Variants in NRXN2 observed in about 807,000 individuals in gnomAD.
NRXN2 encodes the protein neurexin-2-beta.
Under a neutral mutation model 128.8 loss-of-function variants are expected in NRXN2, and 29 were observed. The ratio of observed to expected loss-of-function variants is 0.23; its 90% confidence interval spans 0.17 to 0.31. The LOEUF (loss-of-function observed/expected upper bound fraction) is 0.31, where lower values mean the gene tolerates loss of function less well. Among genes scored for constraint, NRXN2 ranks in the 10% least tolerant of loss-of-function variants. The pLI is 1.00. For missense variants in NRXN2, 1,881 were observed against 2,452.6 expected (o/e 0.77, Z 4.92); for synonymous variants, 1,098 against 1,075.2 (o/e 1.02, Z -0.41).
intron 11 of NRXN2, 124 bp from the exon 12 acceptor site, chr11:64,653,846 C>T (rs966498870): frequency 1.4e-6 from 1 of 703,532 alleles, no homozygotes; most frequent in Admixed American, 2.4e-5. Context: ...GGGCCACTTT[C>T]CGGGGACCAC....
chr11:64,699,372 G>C (rs1336867544), intron 2 of NRXN2, among the ~76,000 whole-genome samples: 1 of 150,400 alleles, frequency 6.6e-6, no homozygotes, highest in African/African-American at 2.5e-5. Flanking sequence ...ACAACACAGA[G>C]CTGCTTCTAC....
chr11:64,630,322 G>A lies in NRXN2; in HGVS notation c.3757+80C>T. On this transcript the variant is annotated intron_variant, in intron 19 of 22. Coordinates refer to ENST00000265459, the MANE Select transcript of NRXN2 (RefSeq NM_015080.4). This position sits in a 1 kb window ranked among gnomAD's most constrained non-coding sequence, Gnocchi z 4.6. ...CCCCGCCCCAGAGCCGCTTAGCCCC[G>A]CCCCGGTGCGGCCGCACTCCTATCA... 1.0e-6 allele frequency: 1 copy of A among 967,936 alleles called. No homozygotes were observed. Among genetic ancestry groups the A allele is most frequent in the Non-Finnish European group, 1.4e-6 (1 of 692,932 alleles). 60.0% of individuals were successfully genotyped at this position (967,936 alleles called of 1,614,324 possible).
chr11:64,676,306 G>A (rs2051313157), intron 7 of NRXN2: 1 of 153,012 alleles, frequency 6.5e-6, no homozygotes, highest in South Asian at 2.1e-4. Context: ...TGAGGGAGGG[G>A]ATGGCACCTT....
chr11:64,634,231 C>T (rs183363649), intron 18 of NRXN2, among the ~76,000 whole-genome samples: 106 of 152,244 alleles, frequency 7.0e-4, no homozygotes, highest in African/African-American at 2.5e-3. Context: ...GGGTCCTGGC[C>T]AGGGTGAGCA....
rs1412914657 is a variant in NRXN2, at chr11:64,697,804, G to A, written c.731-12C>T. On this transcript the variant is annotated splice_polypyrimidine_tract_variant and intron_variant, in intron 2 of 22. Coordinates refer to ENST00000265459, the MANE Select transcript of NRXN2 (RefSeq NM_015080.4). ...CATGGGGTGCTCCTCTGCAGCCAGC[G>A]AGGTTCGGAGAAGACGGAGGCAGAG... 1.9e-6 allele frequency: 3 copies of A among 1,613,750 alleles called. No individual in the cohort carries two copies. The highest frequency in any genetic ancestry group is 1.7e-5 in the Admixed American group (1 of 59,998).
At position 64,648,490 on chromosome 11, in the gene NRXN2, G is replaced by A; in HGVS notation, c.3284-152C>T. The A allele has an allele frequency of 7.5e-7, 1 of 1,332,676 alleles. No individual in the cohort carries two copies. 82.6% of individuals were successfully genotyped at this position (1,332,676 alleles called of 1,614,324 possible). The stretch of plus-strand genomic sequence containing the variant: ...GTACTGATGACAGGGATTGGGGCAG[G>A]AGGGTCAGGTCTGCTAGGCTTGGCC... On this transcript the variant is annotated intron_variant, in intron 16 of 22. Transcript: ENST00000265459. The surrounding 1 kb of genome is among the most constrained non-coding windows in gnomAD (Gnocchi z 4.1).
At chr11:64,681,960 C>T (rs1422944132) in intron 6 of NRXN2, among the ~76,000 whole-genome samples, 5 of 151,880 alleles carry the variant, frequency 3.3e-5, no homozygotes, top group South Asian at 2.1e-4. Flanking sequence ...TAGGGGAATG[C>T]GTTCCTAAGG....
chr11:64,651,115 G>A lies in NRXN2; in HGVS notation c.2918+140C>T, dbSNP rs11231846. On this transcript the variant is annotated intron_variant, in intron 14 of 22. Transcript: ENST00000265459. This position sits in a 1 kb window ranked among gnomAD's most constrained non-coding sequence, Gnocchi z 5.9. ...ATCTTGGCTGAAGAGGGAGCCTCTC[G>A]ACTTACGGTCGGGGACCTGAATCTT... 44 of 1,174,484 alleles carry A rather than the reference G, an allele frequency of 3.7e-5. No individual in the cohort carries two copies. The highest frequency in any genetic ancestry group is 5.3e-5 in the Non-Finnish European group (43 of 807,304). 72.8% of individuals were successfully genotyped at this position (1,174,484 alleles called of 1,614,324 possible).
At position 64,620,392 on chromosome 11, in the gene NRXN2, G is replaced by A; in HGVS notation, c.4174-20C>T. The stretch of plus-strand genomic sequence containing the variant: ...TGTGTTCTGAGGGGCGAGAGAAGGG[G>A]TGGGGAAAGAGAGGTTCCAGGCAGG... On this transcript the variant is annotated intron_variant, in intron 21 of 22. Coordinates refer to ENST00000265459, the MANE Select transcript of NRXN2 (RefSeq NM_015080.4). 1 of 1,546,672 alleles carries A rather than the reference G, an allele frequency of 6.5e-7. No individual in the cohort carries two copies. Among genetic ancestry groups the A allele is most frequent in the Non-Finnish European group, 8.7e-7 (1 of 1,142,996 alleles).
intron 1 of NRXN2, among the ~76,000 whole-genome samples, chr11:64,722,595 A>T (rs2057462339): frequency 6.6e-6 from 1 of 150,962 alleles, no homozygotes; most frequent in Non-Finnish European, 1.5e-5. Flanking sequence ...CCTCCAGAAC[A>T]CAACAGCTCC....
At chr11:64,700,863 G>A (rs1029512109) in intron 2 of NRXN2, among the ~76,000 whole-genome samples, 1 of 152,126 alleles carries the variant, frequency 6.6e-6, no homozygotes, top group African/African-American at 2.4e-5. Context: ...CATTCAATAT[G>A]TCTAGGGTGG....
At chr11:64,626,807 C>T (rs553786495) in intron 19 of NRXN2, among the ~76,000 whole-genome samples, 1 of 152,218 alleles carries the variant, frequency 6.6e-6, no homozygotes, top group East Asian at 1.9e-4. Flanking sequence ...AGGAAAGGGA[C>T]ACAAAAGAAA....
intron 7 of NRXN2, 50 bp downstream of exon 7, chr11:64,676,942 TA>T: frequency 3.3e-6 from 5 of 1,534,250 alleles, no homozygotes; most frequent in Non-Finnish European, 4.5e-6. Flanking sequence ...ATCGAACAGT[TA>T]AAAAAACCCA....
At chr11:64,697,722 G>A in intron 3 of NRXN2, 53 bp downstream of exon 3, 1 of 1,609,170 alleles carries the variant, frequency 6.2e-7, no homozygotes, top group South Asian at 1.1e-5. Flanking sequence ...CCCTCATGTA[G>A]GATCCCCATG....
chr11:64,665,646 G>T lies in NRXN2; in HGVS notation c.1798+1604C>A, dbSNP rs183958232. ...AGAAATAGCAAGCCCATTAGAAACT[G>T]TCACTCTCCCAGAGCCACAGGGGCC... On this transcript the variant is annotated intron_variant, in intron 9 of 22. Transcript: ENST00000265459. Among the ~76,000 whole-genome samples the T allele has an allele frequency of 2.3e-3, 357 of 152,324 alleles. 2 individuals carry two copies. Among genetic ancestry groups the T allele is most frequent in the African/African-American group, 8.2e-3 (342 of 41,566 alleles).
At chr11:64,699,469 T>G (rs1160422581) in intron 2 of NRXN2, among the ~76,000 whole-genome samples, 1 of 148,648 alleles carries the variant, frequency 6.7e-6, no homozygotes, top group African/African-American at 2.5e-5. Flanking sequence ...TTGCTCTTGT[T>G]GCCCAGGCTG....
intron 19 of NRXN2, among the ~76,000 whole-genome samples, chr11:64,627,067 A>G (rs1366222645): frequency 1.3e-5 from 2 of 152,108 alleles, no homozygotes; most frequent in African/African-American, 4.8e-5. Context: ...CACATTGAAC[A>G]GTGAGATTTA....
chr11:64,610,625 A>G (rs1245731672), intron 22 of NRXN2, among the ~76,000 whole-genome samples: 1 of 152,080 alleles, frequency 6.6e-6, no homozygotes, highest in East Asian at 1.9e-4. Flanking sequence ...CTGGGGTATT[A>G]GGCTCCAGGC....
chr11:64,622,795 C>T lies in NRXN2; in HGVS notation c.4131G>A (p.Thr1377=), dbSNP rs746422992. Residue 1377 remains threonine, a synonymous_variant, in exon 21 of 23, where the codon ACG becomes ACA. Coordinates refer to ENST00000265459, the MANE Select transcript of NRXN2 (RefSeq NM_015080.4). This position sits in a 1 kb window ranked among gnomAD's most constrained non-coding sequence, Gnocchi z 4.3. The part of the protein sequence containing the change: ...ETTTTMATTT[T]RRGRSPTLRD... The stretch of plus-strand genomic sequence containing the variant: ...TCAGTGTGGGGGAGCGGCCCCGGCG[C>T]GTGGTGGTAGTGGCCATGGTGGTGG... 9 of 1,612,142 alleles carry T rather than the reference C, an allele frequency of 5.6e-6. No individual in the cohort carries two copies. Among genetic ancestry groups the T allele is most frequent in the South Asian group, 4.4e-5 (4 of 91,076 alleles).
Sources: allele counts gnomAD v4.1 joint callset (sites outside exome capture counted in the v4.1 genomes callset), GRCh38; gene constraint gnomAD v4.1.1; non-coding constraint Gnocchi (gnomAD v3.1); transcripts MANE v1.5; gene names NCBI Gene and HGNC (gene_info 2026-07-23, HGNC 2026-07-21).